Variants in FRG1 observed in about 807,000 individuals in gnomAD.
FRG1 encodes the protein FSHD region gene 1.
A neutral mutation model predicts 37.0 loss-of-function variants in FRG1; 19 were observed. That is an observed-to-expected ratio of 0.51 (90% CI 0.36 to 0.75). The LOEUF (loss-of-function observed/expected upper bound fraction) is 0.75, where lower values mean the gene tolerates loss of function less well. FRG1 is among the 30% of genes least tolerant of loss of function. The pLI, the probability that FRG1 is intolerant of heterozygous loss-of-function variation, is 0.00. For missense variants in FRG1, 243 were observed against 301.4 expected, an observed-to-expected ratio of 0.81 and a Z score of 1.44; for synonymous variants, 73 against 96.5, an observed-to-expected ratio of 0.76 and a Z score of 1.43.
chr4:189,942,498 C>T (rs1251017676), intron 1 of FRG1, among the ~76,000 whole-genome samples: 1 of 152,168 alleles, frequency 6.6e-6, no homozygotes, highest in Non-Finnish European at 1.5e-5. Context: ...TGGCTCCTTT[C>T]ACTTATAACA....
intron 1 of FRG1, chr4:189,941,921 G>C: frequency 2.4e-6 from 1 of 425,456 alleles, no homozygotes; most frequent in Non-Finnish European, 4.7e-6. Flanking sequence ...GAGATAGAAA[G>C]TATCAAGGAG....
intron 4 of FRG1, among the ~76,000 whole-genome samples, chr4:189,954,497 T>C (rs2126813996): frequency 6.6e-6 from 1 of 152,156 alleles, no homozygotes; most frequent in South Asian, 2.1e-4. Context: ...TTATGTAATA[T>C]ATAAGGTACA....
At chr4:189,946,059 T>C (rs1288626287) in intron 2 of FRG1, among the ~76,000 whole-genome samples, 4 of 152,356 alleles carry the variant, frequency 2.6e-5, no homozygotes, top group African/African-American at 9.6e-5. Context: ...TCCTTTAATA[T>C]GCTTTTAATG....
rs201726128 is a variant in FRG1, at chr4:189,943,256, C to G, written c.117C>G (p.Thr39=). 2.6e-4 allele frequency: 424 copies of G among 1,607,520 alleles called. 9 individuals are homozygous for G. The East Asian group carries it at 9.3e-3, about 35-fold the overall frequency. The change falls in exon 2 of 9, where the codon ACC becomes ACG. Residue 39 remains threonine (T), a synonymous_variant. Coordinates refer to ENST00000226798, the MANE Select transcript of FRG1 (RefSeq NM_004477.3). ...KKRKREEDEE[T]QLDIVGIWWT... ...GAAAAAGAGAAGAAGATGAAGAAAC[C>G]CAGCTTGATATTGTTGGTGAGTCAG...
At chr4:189,941,593 G>C (rs1430274501) in intron 1 of FRG1, among the ~76,000 whole-genome samples, 1 of 152,174 alleles carries the variant, frequency 6.6e-6, no homozygotes, top group Non-Finnish European at 1.5e-5. Flanking sequence ...TGGCAAATTG[G>C]TTAATATGTC....
intron 5 of FRG1, 45 bp from the exon 6 acceptor site, chr4:189,957,353 C>T (rs12643924): frequency 3.2e-6 from 5 of 1,543,940 alleles, no homozygotes; most frequent in Non-Finnish European, 4.4e-6. Flanking sequence ...ATGTTTCTCC[C>T]ACAAGAAGTA....
At position 189,940,895 on chromosome 4, in the gene FRG1, T is replaced by C. The variant is rs567441570; in HGVS notation, c.-115T>C. 2.6e-5 allele frequency: 19 copies of C among 734,362 alleles called. No individual in the cohort carries two copies. The highest frequency in any genetic ancestry group is 4.5e-5 in the Non-Finnish European group (19 of 425,256). The allele number at this position is 734,362 out of a possible 1,614,324, so 45.5% of individuals were successfully genotyped here. A position where few individuals can be genotyped will look rare whatever the true frequency, so the allele number is the denominator to read the frequency against. ...GCGGGTTCTACAGAGACGTAGGCTG[T>C]CAGGGAGTGTTTATTTCGCGTCCGC... On this transcript the variant is annotated 5_prime_UTR_variant, in exon 1 of 9. Transcript: ENST00000226798.
At position 189,940,872 on chromosome 4, in the gene FRG1, G is replaced by T; in HGVS notation, c.-138G>T. On this transcript the variant is annotated 5_prime_UTR_variant, in exon 1 of 9. Coordinates refer to ENST00000226798, the MANE Select transcript of FRG1 (RefSeq NM_004477.3). Reference sequence around the variant, plus strand: ...TCAGCGTTTGGGTGAAGACGGAGGCGGGTTCTACAGAGACGTAGGCTGTCA... The same window carrying T: ...TCAGCGTTTGGGTGAAGACGGAGGCTGGTTCTACAGAGACGTAGGCTGTCA... The T allele has an allele frequency of 1.6e-6, 1 of 616,174 alleles. No homozygotes were observed. The highest frequency in any genetic ancestry group is 2.0e-5 in the South Asian group (1 of 48,866). The allele number at this position is 616,174 out of a possible 1,614,324, so 38.2% of individuals were successfully genotyped here.
chr4:189,955,917 A>G lies in FRG1; in HGVS notation c.432+766A>G, dbSNP rs367600939. Among the ~76,000 whole-genome samples, 350 of 152,320 alleles carry G rather than the reference A, an allele frequency of 2.3e-3. 2 individuals carry two copies. The highest frequency in any genetic ancestry group is 0.021 in the South Asian group (102 of 4,826). On this transcript the variant is annotated intron_variant, in intron 5 of 8. Transcript: ENST00000226798. ...GTAGCAGCTTTGGTAGTATACACTA[A>G]TGAATTGAAAATAGGAACTCAGCAG...
rs1470186810 is a variant in FRG1, at chr4:189,961,887, A to T, written c.695A>T (p.Lys232Ile). 8 of 1,600,476 alleles carry T rather than the reference A, an allele frequency of 5.0e-6. No individual in the cohort carries two copies. The African/African-American group carries it at 9.4e-5, about 19-fold the overall frequency. Residue 232 changes from lysine to isoleucine, a missense_variant, in exon 8 of 9, where the codon AAA becomes ATA. Lys to Ile is a moderately radical substitution (Grantham distance 102, BLOSUM62 -3). Transcript: ENST00000226798. ...KISKEDSKIL[K>I]KARKDGFLHE... ...AGTAAAGAAGACAGTAAAATTCTTA[A>T]AAAGGCTCGGAAAGATGGATTTTTG...
chr4:189,945,705 A>G (rs1285100934), intron 2 of FRG1, among the ~76,000 whole-genome samples: 1 of 151,496 alleles, frequency 6.6e-6, no homozygotes, highest in Non-Finnish European at 1.5e-5. Flanking sequence ...GAGATATTGG[A>G]CTTTTGTATC....
chr4:189,952,005 T>G (rs12646672), intron 2 of FRG1, among the ~76,000 whole-genome samples, 157 bp from the exon 3 acceptor site: 64,257 of 151,950 alleles, frequency 0.42, 15,842 homozygotes, highest in African/African-American at 0.69. Flanking sequence ...TATGCAAGAT[T>G]TAATCGAGAC....
At chr4:189,950,504 A>G (rs1190992693) in intron 2 of FRG1, among the ~76,000 whole-genome samples, 1 of 152,016 alleles carries the variant, frequency 6.6e-6, no homozygotes, top group Non-Finnish European at 1.5e-5. Context: ...TAGCTCTTAC[A>G]TTTAGGTCTT....
At chr4:189,953,651 G>C (rs1158644933) in intron 4 of FRG1, among the ~76,000 whole-genome samples, 6 of 151,908 alleles carry the variant, frequency 3.9e-5, no homozygotes, top group Admixed American at 6.6e-5. Context: ...TTTAGTAATT[G>C]GTTACATCAA....
intron 1 of FRG1, chr4:189,941,815 T>C: frequency 4.7e-6 from 2 of 429,644 alleles, no homozygotes; most frequent in Non-Finnish European, 9.3e-6. Flanking sequence ...ATATCCCCGC[T>C]TCTTTTTTAA....
At chr4:189,945,651 G>GTTT (rs1162942359) in intron 2 of FRG1, among the ~76,000 whole-genome samples, 22 of 147,504 alleles carry the variant, frequency 1.5e-4, no homozygotes, top group African/African-American at 2.2e-4. Flanking sequence ...CTAGGTGTTT[G>GTTT]TGTTTTTTGT....
chr4:189,961,027 C>T (rs1358288216), intron 7 of FRG1, 188 bp downstream of exon 7: 1 of 579,340 alleles, frequency 1.7e-6, no homozygotes, highest in Non-Finnish European at 3.0e-6. Flanking sequence ...CTGATCACCA[C>T]TGCCTTCCAG....
chr4:189,963,025 T>C (rs1737301686), intron 8 of FRG1, 68 bp from the exon 9 acceptor site: 2 of 1,028,540 alleles, frequency 1.9e-6, no homozygotes, highest in Admixed American at 4.5e-5. Flanking sequence ...GCTTTTTATA[T>C]TTAGTAGCAG....
chr4:189,941,038 C>T lies in FRG1; in HGVS notation c.29C>T (p.Thr10Ile), dbSNP rs1396731495. The T allele has an allele frequency of 6.2e-7, 1 of 1,614,018 alleles. No homozygotes were observed. Among genetic ancestry groups the T allele is most frequent in the East Asian group, 2.2e-5 (1 of 44,890 alleles). ...GCCGAGTACTCCTACGTGAAGTCTA[C>T]CAAGCTCGTGCTCAAGGGAACCAAG... is the stretch of plus-strand genomic sequence containing the variant. MAEYSYVKS[T>I]KLVLKGTKTK... Residue 10 changes from threonine (T) to isoleucine (I), a missense_variant, in exon 1 of 9, where the codon ACC (threonine) becomes ATC (isoleucine). Transcript: ENST00000226798.
Sources: gnomAD v4.1 joint callset for allele counts (sites outside exome capture counted in the v4.1 genomes callset) on GRCh38, gnomAD v4.1.1 for gene constraint, MANE v1.5 for transcripts, NCBI Gene and HGNC (gene_info 2026-07-23, HGNC 2026-07-21) for gene names.